DLGAP1: variants seen among roughly 807,000 people sequenced by gnomAD.
The protein encoded by DLGAP1 is disks large-associated protein 1.
A neutral mutation model predicts 90.8 loss-of-function variants in DLGAP1; 11 were observed. The ratio of observed to expected loss-of-function variants is 0.12; its 90% CI spans 0.08 to 0.20. The LOEUF is 0.20. Among genes scored for constraint, DLGAP1 ranks in the 10% least tolerant of loss-of-function variants. The pLI is 1.00. For synonymous variants in DLGAP1, 558 were observed against 540.7 expected, an observed-to-expected ratio of 1.03 and a Z score of -0.44; for missense variants, 1,050 against 1,333.8, an observed-to-expected ratio of 0.79 and a Z score of 3.31.
In DLGAP1 at chr18:4,369,815, T is replaced by TAA. The variant is rs11387946; in HGVS notation, c.-267+85189_-267+85190dup. Among the ~76,000 whole-genome samples, 581 of 74,610 alleles carry TAA rather than the reference T, an allele frequency of 7.8e-3. 10 individuals carry two copies. Among genetic ancestry groups the TAA allele is most frequent in the African/African-American group, 0.023 (474 of 20,294 alleles). 48.9% of individuals were successfully genotyped at this position (74,610 alleles called of 152,430 possible). ...AAAGGTTGAAAGGAGAAAGTCTTAG[T>TAA]AAAAAAAAAAAAAAAAAAAAAAAAG... On this transcript the variant is annotated intron_variant, in intron 1 of 12. Transcript: ENST00000315677.
intron 1 of DLGAP1, among the ~76,000 whole-genome samples, chr18:4,411,615 G>T (rs1025696843): frequency 1.3e-5 from 2 of 152,114 alleles, no homozygotes; most frequent in African/African-American, 4.8e-5. Flanking sequence ...GAGGTTGATG[G>T]GCTCAGCGAG....
At chr18:3,955,531 G>C (rs1364432386) in intron 3 of DLGAP1, among the ~76,000 whole-genome samples, 3 of 151,866 alleles carry the variant, frequency 2.0e-5, no homozygotes, top group African/African-American at 4.8e-5. Flanking sequence ...GACCAACATG[G>C]AGAAACCCCG....
chr18:3,941,197 C>T (rs1210958590), intron 3 of DLGAP1, among the ~76,000 whole-genome samples: 5 of 152,164 alleles, frequency 3.3e-5, no homozygotes, highest in Admixed American at 6.5e-5. Flanking sequence ...GAACCGGTAA[C>T]TGGAGGTACA....
At chr18:3,746,832 C>T (rs2063289082) in intron 5 of DLGAP1, among the ~76,000 whole-genome samples, 1 of 152,120 alleles carries the variant, frequency 6.6e-6, no homozygotes, top group African/African-American at 2.4e-5. Flanking sequence ...TAAAGATATT[C>T]CCTATATTCT....
intron 7 of DLGAP1, among the ~76,000 whole-genome samples, chr18:3,669,731 A>G (rs1276125249): frequency 6.6e-6 from 1 of 152,094 alleles, no homozygotes; most frequent in Non-Finnish European, 1.5e-5. Flanking sequence ...ACTCAGTAAA[A>G]CTTTCCACTC....
chr18:3,761,262 C>G (rs757355773), intron 5 of DLGAP1, among the ~76,000 whole-genome samples: 24 of 152,200 alleles, frequency 1.6e-4, no homozygotes, highest in Non-Finnish European at 2.8e-4. Context: ...CTCCCCCAGC[C>G]TCTGGCAACC....
chr18:3,567,400 A>G (rs775950719), intron 9 of DLGAP1, 90 bp downstream of exon 9: 1 of 1,113,884 alleles, frequency 9.0e-7, no homozygotes, highest in South Asian at 1.4e-5. Flanking sequence ...GGAAAATATC[A>G]TTGAATTTTG....
At position 4,383,535 on chromosome 18, in the gene DLGAP1, T is replaced by G. The variant is rs557712744; in HGVS notation, c.-267+71471A>C. The stretch of plus-strand genomic sequence containing the variant: ...GAGACCTGGGTTTTAAACCTATCAG[T>G]TACTGAACAAGCTCTGTATGCACTT... On this transcript the variant is annotated intron_variant, in intron 1 of 12. Transcript: ENST00000315677. This position sits in a 1 kb window ranked among gnomAD's most constrained non-coding sequence, Gnocchi z 4.0. 6.6e-6 allele frequency among the ~76,000 whole-genome samples: 1 copy of G among 152,130 alleles called. No homozygotes were observed. Among genetic ancestry groups the G allele is most frequent in the Non-Finnish European group, 1.5e-5 (1 of 67,966 alleles).
chr18:4,337,914 T>A (rs1466788173), intron 1 of DLGAP1, among the ~76,000 whole-genome samples: 1 of 152,204 alleles, frequency 6.6e-6, no homozygotes, highest in Non-Finnish European at 1.5e-5. Flanking sequence ...GTCATTTTTT[T>A]TCCATATTGT....
intron 1 of DLGAP1, among the ~76,000 whole-genome samples, chr18:4,237,015 T>C (rs2078430727): frequency 6.6e-6 from 1 of 152,194 alleles, no homozygotes; most frequent in Non-Finnish European, 1.5e-5. Context: ...CACCCTGACA[T>C]AGAACATTAG....
At chr18:4,299,101 A>C (rs28631118) in intron 1 of DLGAP1, among the ~76,000 whole-genome samples, 30,740 of 147,680 alleles carry the variant, frequency 0.21, 3,552 homozygotes, top group African/African-American at 0.24. Flanking sequence ...AAAAAAAAAA[A>C]AAAAAAAAAT....
chr18:4,019,479 C>T (rs2074574875), intron 2 of DLGAP1, among the ~76,000 whole-genome samples: 2 of 151,926 alleles, frequency 1.3e-5, no homozygotes, highest in African/African-American at 2.4e-5. Flanking sequence ...AATGAAAAGT[C>T]CTTTTCGTTT....
chr18:3,909,098 A>G (rs961228917), intron 3 of DLGAP1, among the ~76,000 whole-genome samples: 12 of 152,236 alleles, frequency 7.9e-5, no homozygotes, highest in African/African-American at 2.7e-4. Context: ...TCTAAGGAAC[A>G]GTGATAATTT....
At chr18:3,741,867 G>A (rs1230150474) in intron 6 of DLGAP1, among the ~76,000 whole-genome samples, 2 of 149,026 alleles carry the variant, frequency 1.3e-5, no homozygotes, top group Non-Finnish European at 3.0e-5. Context: ...AACAGAGAAA[G>A]AGTCTTGCTA....
At chr18:3,553,149 C>T (rs920415451) in intron 9 of DLGAP1, among the ~76,000 whole-genome samples, 4 of 152,032 alleles carry the variant, frequency 2.6e-5, no homozygotes, top group African/African-American at 9.7e-5. Context: ...GAGAAAGGGG[C>T]AGAAATTATG....
At chr18:4,439,806 T>C (rs1269763788) in intron 1 of DLGAP1, among the ~76,000 whole-genome samples, 1 of 151,014 alleles carries the variant, frequency 6.6e-6, no homozygotes, top group Non-Finnish European at 1.5e-5. Flanking sequence ...TGAGATTTTG[T>C]CTGTAAAAAA....
chr18:3,907,820 G>A (rs147701621), intron 3 of DLGAP1, among the ~76,000 whole-genome samples: 220 of 152,286 alleles, frequency 1.4e-3, no homozygotes, highest in African/African-American at 5.1e-3. Context: ...AGAGGCCAGC[G>A]AGGCCAGGCT....
intron 4 of DLGAP1, among the ~76,000 whole-genome samples, chr18:3,859,473 G>A (rs901194280): frequency 2.6e-5 from 4 of 152,168 alleles, no homozygotes; most frequent in African/African-American, 9.7e-5. Flanking sequence ...ATAGCAGAAG[G>A]GACTTCACAG....
intron 2 of DLGAP1, among the ~76,000 whole-genome samples, chr18:4,097,876 A>C (rs983625050): frequency 6.6e-6 from 1 of 152,214 alleles, no homozygotes; most frequent in Non-Finnish European, 1.5e-5. Flanking sequence ...CATTCAGCAT[A>C]ATTTTAATCT....
Sources: gnomAD v4.1 joint callset for allele counts (sites outside exome capture counted in the v4.1 genomes callset) on GRCh38, gnomAD v4.1.1 for gene constraint, Gnocchi (gnomAD v3.1) non-coding constraint, MANE v1.5 for transcripts, NCBI Gene and HGNC (gene_info 2026-07-23, HGNC 2026-07-21) for gene names.